MYOF: variants seen among roughly 807,000 people sequenced by gnomAD.
MYOF encodes the protein myoferlin.
Under a neutral mutation model 284.2 loss-of-function variants are expected in MYOF, and 244 were observed. The observed-to-expected ratio is 0.86, with a 90% CI of 0.77 to 0.95. The LOEUF (loss-of-function observed/expected upper bound fraction) is 0.95. Ranked by LOEUF, MYOF falls within the 40% of genes least tolerant of loss-of-function variation. The pLI, the probability that MYOF is intolerant of heterozygous loss-of-function variation, is 0.00. For missense variants in MYOF, 2,496 were observed against 2,560.6 expected, an observed-to-expected ratio of 0.97 and a Z score of 0.54; for synonymous variants, 904 against 919.7, an observed-to-expected ratio of 0.98 and a Z score of 0.31.
intron 3 of MYOF, among the ~76,000 whole-genome samples, chr10:93,444,145 CCA>C (rs1458707824): frequency 6.6e-6 from 1 of 152,202 alleles, no homozygotes; most frequent in Non-Finnish European, 1.5e-5. Flanking sequence ...TGGACAGATT[CCA>C]CACTGGTGGC....
intron 4 of MYOF, among the ~76,000 whole-genome samples, chr10:93,427,729 G>A (rs1848661677): frequency 6.6e-6 from 1 of 151,958 alleles, no homozygotes; most frequent in Non-Finnish European, 1.5e-5. Flanking sequence ...AAGGGAAACT[G>A]AAAACATTAT....
Position 93,353,514 on chromosome 10 carries a change from C to T in MYOF, c.3481+297G>A, listed in dbSNP as rs186125439. 8.2e-4 allele frequency among the ~76,000 whole-genome samples: 124 copies of T among 152,060 alleles called. No individual in the cohort carries two copies. The Middle Eastern group carries it at 0.02, about 25-fold the overall frequency. On this transcript the variant is annotated intron_variant, in intron 32 of 53. Coordinates refer to ENST00000359263, the MANE Select transcript of MYOF (RefSeq NM_013451.4). ...GAGGGTCCAGGGATGAAAACACAGC[C>T]ATGTATATAAACAGAGATGAGAAAT... is the stretch of plus-strand genomic sequence containing the variant.
At position 93,431,468 on chromosome 10, in the gene MYOF, C is replaced by G. The variant is rs781771822; in HGVS notation, c.285G>C (p.Gln95His). Residue 95 changes from glutamine (Q) to histidine (H), a missense_variant, in exon 4 of 54, where the codon CAG becomes CAC. Gln to His is a conservative substitution (Grantham distance 24, BLOSUM62 0). Coordinates refer to ENST00000359263, the MANE Select transcript of MYOF (RefSeq NM_013451.4). ...TCAGCTTGTACGGCAGGGATCTGCT[C>G]TGGTCACCAGTCAGGTCCTTCAGGG... ...TVALKDLTGD[Q>H]SRSLPYKLIS... 1 of 1,614,078 alleles carries G rather than the reference C, an allele frequency of 6.2e-7. No homozygotes were observed. The highest frequency in any genetic ancestry group is 1.1e-5 in the South Asian group (1 of 91,066).
intron 42 of MYOF, among the ~76,000 whole-genome samples, chr10:93,333,519 C>CA (rs1554839561): frequency 2.1e-5 from 3 of 146,242 alleles, no homozygotes; most frequent in Middle Eastern, 3.4e-3. Context: ...TGGCAGGGGG[C>CA]GGGGGGGAGT....
chr10:93,393,050 G>A, intron 16 of MYOF, 95 bp from the exon 17 acceptor site: 1 of 1,138,488 alleles, frequency 8.8e-7, no homozygotes, highest in Non-Finnish European at 1.3e-6. Flanking sequence ...CCAGGTATGT[G>A]ATTTAGCAAC....
chr10:93,410,709 T>C (rs1482662667), intron 5 of MYOF, among the ~76,000 whole-genome samples: 2 of 152,228 alleles, frequency 1.3e-5, no homozygotes, highest in Non-Finnish European at 2.9e-5. Flanking sequence ...TGGTAATCTG[T>C]ACAATATAAT....
intron 44 of MYOF, 44 bp downstream of exon 44, chr10:93,329,620 G>A (rs760799587): frequency 6.2e-7 from 1 of 1,608,340 alleles, no homozygotes; most frequent in Non-Finnish European, 8.5e-7. Context: ...AGGTGCCAAT[G>A]TCAGAGGCAG....
intron 50 of MYOF, among the ~76,000 whole-genome samples, chr10:93,315,809 T>TA (rs1842589958): frequency 1.3e-5 from 2 of 151,954 alleles, no homozygotes; most frequent in African/African-American, 2.4e-5. Flanking sequence ...CAGAAGAACC[T>TA]CAGGGAAGGC....
intron 38 of MYOF, among the ~76,000 whole-genome samples, chr10:93,342,395 A>T (rs1843964617): frequency 6.6e-6 from 1 of 152,216 alleles, no homozygotes; most frequent in Admixed American, 6.5e-5. Context: ...AAGTGGACTC[A>T]GATTTTTAGA....
intron 5 of MYOF, among the ~76,000 whole-genome samples, chr10:93,412,492 T>C (rs1847935503): frequency 6.6e-6 from 1 of 152,174 alleles, no homozygotes. Context: ...AAGTTTCAGA[T>C]GAAACTTACT....
intron 40 of MYOF, 44 bp downstream of exon 40, chr10:93,337,771 A>T: frequency 6.5e-7 from 1 of 1,543,948 alleles, no homozygotes; most frequent in Non-Finnish European, 8.9e-7. Flanking sequence ...GGCCAGTTTC[A>T]AAGGATGTTG....
chr10:93,396,227 G>A lies in MYOF; in HGVS notation c.1335-3C>T. On this transcript the variant is annotated splice_region_variant and splice_polypyrimidine_tract_variant and intron_variant, in intron 15 of 53. Coordinates refer to ENST00000359263, the MANE Select transcript of MYOF (RefSeq NM_013451.4). ...CATCATTTTTAGTAAGACGGTCCCT[G>A]TGTAAAAAATAAAAATAAAAAAATA... The A allele has an allele frequency of 1.3e-6, 2 of 1,572,754 alleles. No homozygotes were observed. Among genetic ancestry groups the A allele is most frequent in the South Asian group, 2.4e-5 (2 of 82,800 alleles).
chr10:93,394,600 A>G (rs550614587), intron 16 of MYOF, among the ~76,000 whole-genome samples: 5 of 151,310 alleles, frequency 3.3e-5, no homozygotes, highest in Non-Finnish European at 4.4e-5. Flanking sequence ...AGCTGGGACT[A>G]CATGTGCCCA....
At chr10:93,319,112 C>A (rs1026507078) in intron 49 of MYOF, among the ~76,000 whole-genome samples, 7 of 152,116 alleles carry the variant, frequency 4.6e-5, no homozygotes, top group African/African-American at 1.7e-4. Context: ...AGGCACATGA[C>A]CCCCAAAAGC....
rs1439969444 is a variant in MYOF, at chr10:93,381,375, A to T, written c.1720T>A (p.Tyr574Asn). The T allele has an allele frequency of 6.2e-7, 1 of 1,614,216 alleles. No homozygotes were observed. ...VVEKYQRRRK[Y>N]SLSAVFHSAT... is the part of the protein sequence containing the mutation. ...GAATGAAACACGGCAGACAGGCTGTACTTCCGCCTTCGCTGGTATTTCTAT... is the reference window on the plus strand; with the variant it reads ...GAATGAAACACGGCAGACAGGCTGTTCTTCCGCCTTCGCTGGTATTTCTAT... The change falls in exon 20 of 54, where the codon TAC becomes AAC. Residue 574 changes from tyrosine to asparagine, a missense_variant. Transcript: ENST00000359263.
chr10:93,327,345 C>G (rs1843096298), intron 45 of MYOF, among the ~76,000 whole-genome samples: 1 of 152,098 alleles, frequency 6.6e-6, no homozygotes, highest in Non-Finnish European at 1.5e-5. Flanking sequence ...AGGCTCAAAC[C>G]TAACTTGTGG....
At chr10:93,321,307 CTAT>C (rs1211839663) in intron 48 of MYOF, among the ~76,000 whole-genome samples, 2 of 151,502 alleles carry the variant, frequency 1.3e-5, no homozygotes, top group Non-Finnish European at 2.9e-5. Context: ...TTAAGTCCTA[CTAT>C]TAGTAGTGGT....
chr10:93,452,024 G>A, intron 3 of MYOF, 26 bp downstream of exon 3: 1 of 1,507,498 alleles, frequency 6.6e-7, no homozygotes, highest in South Asian at 1.2e-5. Context: ...TACCTAAAAT[G>A]AGAAAAACAG....
At position 93,317,003 on chromosome 10, in the gene MYOF, GA is replaced by G. The variant is rs1842642344; in HGVS notation, c.5599-191del. ...CCAGGAAATCACAAGCTGGGCAACT[GA>G]AGGAATGTCCCAGGTTTTTCCCAAA... On this transcript the variant is annotated intron_variant, in intron 49 of 53. Coordinates refer to ENST00000359263, the MANE Select transcript of MYOF (RefSeq NM_013451.4). Among the ~76,000 whole-genome samples, 8 of 151,590 alleles carry G rather than the reference GA, an allele frequency of 5.3e-5. No homozygotes were observed. In the South Asian group the frequency reaches 1.7e-3, roughly 32 times the overall value.
Sources: gnomAD v4.1 joint callset for allele counts (sites outside exome capture counted in the v4.1 genomes callset) on GRCh38, gnomAD v4.1.1 for gene constraint, MANE v1.5 for transcripts, NCBI Gene and HGNC (gene_info 2026-07-23, HGNC 2026-07-21) for gene names.